RBFOX1: variants seen among roughly 807,000 people sequenced by gnomAD.
The protein encoded by RBFOX1 is RNA binding protein fox-1 homolog 1.
RBFOX1 carries 8 observed loss-of-function variants against 57.7 expected under a neutral mutation model. That is an observed-to-expected ratio of 0.14 (90% CI 0.08 to 0.25). RBFOX1 has a LOEUF of 0.25. RBFOX1 is among the 10% of genes least tolerant of loss of function. The pLI, the probability that RBFOX1 is intolerant of heterozygous loss-of-function variation, is 1.00. For synonymous variants in RBFOX1, 326 were observed against 222.4 expected (o/e 1.47, Z -4.15); for missense variants, 611 against 548.5 (o/e 1.11, Z -1.14).
chr16:5,483,283 C>T (rs973706825), intron 2 of RBFOX1, among the ~76,000 whole-genome samples: 2 of 152,204 alleles, frequency 1.3e-5, no homozygotes, highest in African/African-American at 4.8e-5. Context: ...GCACGTACTC[C>T]CACTTCATGC....
chr16:6,991,826 C>T (rs1254498520), intron 3 of RBFOX1, among the ~76,000 whole-genome samples: 1 of 152,154 alleles, frequency 6.6e-6, no homozygotes, highest in East Asian at 1.9e-4. Context: ...AGGTGTGACC[C>T]ACCAGGCCCA....
chr16:5,324,600 A>G lies in RBFOX1; in HGVS notation c.219+84495A>G, dbSNP rs919494313. The stretch of plus-strand genomic sequence containing the variant: ...AGATTGGATAAAGAAAATGTGGTCC[A>G]TATATACCATGAAATGTTACGCAGC... On this transcript the variant is annotated intron_variant, in intron 1 of 2. Coordinates refer to the RBFOX1 transcript ENST00000585867. Among the ~76,000 whole-genome samples the G allele has an allele frequency of 2.0e-5, 3 of 152,366 alleles. 1 individual carries two copies. The highest frequency in any genetic ancestry group is 6.8e-3 in the Middle Eastern group (2 of 294).
At chr16:6,961,826 A>C (rs2083083871) in intron 3 of RBFOX1, among the ~76,000 whole-genome samples, 2 of 152,156 alleles carry the variant, frequency 1.3e-5, no homozygotes, top group Non-Finnish European at 2.9e-5. Flanking sequence ...TATAATGAGC[A>C]GTGAGAGCAA....
At chr16:7,004,973 A>C (rs1358300663) in intron 3 of RBFOX1, among the ~76,000 whole-genome samples, 1 of 152,096 alleles carries the variant, frequency 6.6e-6, no homozygotes, top group Admixed American at 6.5e-5. Flanking sequence ...GTGAAACCCC[A>C]TTTCTACCAA....
At chr16:5,407,268 C>A (rs1044249705) in intron 1 of RBFOX1, among the ~76,000 whole-genome samples, 1 of 152,180 alleles carries the variant, frequency 6.6e-6, no homozygotes. Flanking sequence ...CCCACCAGGT[C>A]TCTCCTCAGC....
intron 3 of RBFOX1, among the ~76,000 whole-genome samples, chr16:5,637,032 C>G (rs1596537221): frequency 6.6e-6 from 1 of 152,212 alleles, no homozygotes; most frequent in African/African-American, 2.4e-5. Flanking sequence ...TGAAGCTCTG[C>G]TCACTAATCA....
chr16:5,960,932 T>C (rs934080131), intron 4 of RBFOX1, among the ~76,000 whole-genome samples: 7 of 152,058 alleles, frequency 4.6e-5, no homozygotes, highest in Non-Finnish European at 8.8e-5. Context: ...GAACCGCAAT[T>C]GTGGTCAAAG....
chr16:5,882,658 C>T (rs1009842183), intron 4 of RBFOX1, among the ~76,000 whole-genome samples: 7 of 152,144 alleles, frequency 4.6e-5, no homozygotes, highest in Non-Finnish European at 7.3e-5. Flanking sequence ...GCCAAGCTCA[C>T]GCCCTGCTCC....
chr16:7,053,882 G>A (rs1244684972), intron 4 of RBFOX1, among the ~76,000 whole-genome samples: 1 of 152,062 alleles, frequency 6.6e-6, no homozygotes, highest in Non-Finnish European at 1.5e-5. Flanking sequence ...ATGAATTTAT[G>A]TTTTGAATTG....
chr16:5,453,657 G>A (rs147340503), intron 1 of RBFOX1, among the ~76,000 whole-genome samples: 497 of 152,280 alleles, frequency 3.3e-3, no homozygotes, highest in Non-Finnish European at 5.4e-3. Flanking sequence ...CCCATTATGA[G>A]TAATGGCATC....
intron 2 of RBFOX1, among the ~76,000 whole-genome samples, chr16:6,344,959 C>T (rs1249429713): frequency 2.6e-5 from 4 of 152,028 alleles, no homozygotes; most frequent in African/African-American, 4.8e-5. Context: ...GCCACCGAGC[C>T]CGGCCTGGTC....
chr16:7,625,906 G>T (rs1596753300), intron 10 of RBFOX1, among the ~76,000 whole-genome samples: 1 of 152,288 alleles, frequency 6.6e-6, no homozygotes, highest in Non-Finnish European at 1.5e-5. Context: ...CTGGACTCAT[G>T]AGGATAGGAA....
chr16:5,558,962 C>T (rs1459883020), intron 2 of RBFOX1, among the ~76,000 whole-genome samples: 6 of 152,020 alleles, frequency 3.9e-5, no homozygotes, highest in South Asian at 4.1e-4. Flanking sequence ...GTGAGGCATG[C>T]CAGGTGGGTC....
intron 4 of RBFOX1, among the ~76,000 whole-genome samples, chr16:7,464,242 A>G (rs1256737920): frequency 2.0e-5 from 3 of 152,232 alleles, no homozygotes; most frequent in Non-Finnish European, 4.4e-5. Flanking sequence ...ATGCACATGT[A>G]TATAATGGTG....
chr16:7,164,784 A>G (rs1297150273), intron 4 of RBFOX1, among the ~76,000 whole-genome samples: 2 of 152,212 alleles, frequency 1.3e-5, no homozygotes, highest in South Asian at 2.1e-4. Flanking sequence ...CTTCTGATCA[A>G]CTAAGTTGTT....
At chr16:6,310,216 T>C (rs1023630279) in intron 1 of RBFOX1, among the ~76,000 whole-genome samples, 11 of 152,128 alleles carry the variant, frequency 7.2e-5, no homozygotes, top group Non-Finnish European at 1.5e-4. Context: ...ATAAGCCACA[T>C]GTAAACCTTG....
In RBFOX1 at chr16:6,281,331, G is replaced by A. The variant is rs78770284; in HGVS notation, c.-126-35664G>A. ...TTTCAGAGGAGGAAGATGCATCTCA[G>A]AGAGATTATGCACACCGGGAAGTGT... On this transcript the variant is annotated intron_variant, in intron 1 of 15. Transcript: ENST00000550418. 2.4e-3 allele frequency among the ~76,000 whole-genome samples: 371 copies of A among 152,246 alleles called. 3 individuals are homozygous for A. The highest frequency in any genetic ancestry group is 8.4e-3 in the African/African-American group (350 of 41,532).
chr16:5,530,932 A>ATAT (rs2044445163), intron 2 of RBFOX1, among the ~76,000 whole-genome samples: 1 of 37,998 alleles, frequency 2.6e-5, no homozygotes, highest in South Asian at 1.9e-3. Context: ...TACTAAAAAT[A>ATAT]TAAAAAAAAA....
intron 10 of RBFOX1, 116 bp downstream of exon 10, chr16:7,607,454 A>G: frequency 3.1e-6 from 3 of 956,218 alleles, no homozygotes; most frequent in Non-Finnish European, 1.6e-6. Flanking sequence ...TATCCTAACA[A>G]GTTCTGAATG....
Sources: allele counts gnomAD v4.1 joint callset (sites outside exome capture counted in the v4.1 genomes callset), GRCh38; gene constraint gnomAD v4.1.1; transcripts MANE v1.5; gene names NCBI Gene and HGNC (gene_info 2026-07-23, HGNC 2026-07-21).